Variants in CARNS1 observed in about 807,000 individuals in gnomAD.
The protein encoded by CARNS1 is carnosine synthase 1.
CARNS1 carries 61 observed loss-of-function variants against 74.0 expected under a neutral mutation model. That is an observed-to-expected ratio of 0.82 (90% CI 0.67 to 1.02). The LOEUF is 1.02. Ranked by LOEUF, CARNS1 falls within the 50% of genes least tolerant of loss-of-function variation. The probability of loss-of-function intolerance (pLI) is 0.00; values close to 1 mark genes in which losing one functional copy is unlikely to be tolerated. For missense variants in CARNS1, 1,278 were observed against 1,308.4 expected (o/e 0.98, Z 0.36); for synonymous variants, 568 against 605.5 (o/e 0.94, Z 0.91).
chr11:67,420,996 T>A lies in CARNS1; in HGVS notation c.1403T>A (p.Leu468Gln), dbSNP rs1022594070. 14 of 1,421,680 alleles carry A rather than the reference T, an allele frequency of 9.8e-6. No individual in the cohort carries two copies. In the Admixed American group the frequency reaches 1.4e-4, roughly 14 times the overall value. 88.1% of individuals were successfully genotyped at this position (1,421,680 alleles called of 1,614,324 possible). Residue 468 changes from leucine to glutamine, a missense_variant, in exon 9 of 10, where the codon CTG (leucine) becomes CAG (glutamine). Transcript: ENST00000687366. Reference protein sequence around the residue: ...GGVLTPVALELNGGLCLEACG... With the variant: ...GGVLTPVALEQNGGLCLEACG... ...GTGCTGACCCCAGTGGCCCTGGAGCTGAACGGCGGCCTGTGTCTGGAGGCG... is the reference window on the plus strand; with the variant it reads ...GTGCTGACCCCAGTGGCCCTGGAGCAGAACGGCGGCCTGTGTCTGGAGGCG...
At position 67,423,963 on chromosome 11, in the gene CARNS1, T is replaced by G. The variant is rs377737625; in HGVS notation, c.2215T>G (p.Leu739Val). The G allele has an allele frequency of 3.3e-5, 54 of 1,613,282 alleles. No individual in the cohort carries two copies. Among genetic ancestry groups the G allele is most frequent in the Non-Finnish European group, 4.3e-5 (51 of 1,179,770 alleles). ...EGTEHDVDLV[L>V]FGGRLLAAFV... ...CACCGAGCACGACGTGGACCTGGTG[T>G]TGTTTGGTGGGCGGTTGCTGGCTGC... The change falls in exon 10 of 10, where the codon TTG becomes GTG. Residue 739 changes from leucine to valine, a missense_variant. Coordinates refer to ENST00000687366, the MANE Select transcript of CARNS1 (RefSeq NM_001166222.2). The surrounding 1 kb of genome is among the most constrained non-coding windows in gnomAD (Gnocchi z 5.1).
intron 4 of CARNS1, 28 bp downstream of exon 4, chr11:67,418,548 C>T: frequency 1.3e-6 from 2 of 1,523,346 alleles, no homozygotes; most frequent in Non-Finnish European, 1.8e-6. Flanking sequence ...TTTCCCCATC[C>T]CCTTCTACAG....
In CARNS1 at chr11:67,421,220, G is replaced by A; in HGVS notation, c.1626+1G>A. 5 of 1,487,100 alleles carry A rather than the reference G, an allele frequency of 3.4e-6. No individual in the cohort carries two copies. Among genetic ancestry groups the A allele is most frequent in the Non-Finnish European group, 4.4e-6 (5 of 1,125,460 alleles). 92.1% of individuals were successfully genotyped at this position (1,487,100 alleles called of 1,614,324 possible). ...GGCGGCGCGCGACTACGGGCTCCAGGTGGGCGGGGCGCGGGGCGGGGCTGG... is the reference window on the plus strand; with the variant it reads ...GGCGGCGCGCGACTACGGGCTCCAGATGGGCGGGGCGCGGGGCGGGGCTGG... On this transcript the variant is annotated splice_donor_variant, in intron 9 of 9. Coordinates refer to ENST00000687366, the MANE Select transcript of CARNS1 (RefSeq NM_001166222.2). LOFTEE classifies it high-confidence loss of function.
Position 67,423,665 on chromosome 11 carries a change from C to T in CARNS1, c.1917C>T (p.Gly639=), listed in dbSNP as rs1301310403. The change falls in exon 10 of 10, where the codon GGC becomes GGT. Residue 639 remains glycine (G), a synonymous_variant. Coordinates refer to ENST00000687366, the MANE Select transcript of CARNS1 (RefSeq NM_001166222.2). The surrounding 1 kb of genome is among the most constrained non-coding windows in gnomAD (Gnocchi z 5.1). Reference sequence around the variant, plus strand: ...AGCTGCACCTGTTGCACCACCATGGCCCACCCTGGCCTGCGCCCTCCCTCC... The same window carrying T: ...AGCTGCACCTGTTGCACCACCATGGTCCACCCTGGCCTGCGCCCTCCCTCC... The part of the protein sequence containing the change: ...LTQLHLLHHH[G]PPWPAPSLHA... 1 of 1,602,004 alleles carries T rather than the reference C, an allele frequency of 6.2e-7. No individual in the cohort carries two copies.
intron 2 of CARNS1, chr11:67,416,910 A>C (rs1863558138): frequency 2.2e-5 from 22 of 986,950 alleles, no homozygotes; most frequent in African/African-American, 3.5e-5. Context: ...TGGGGATGAC[A>C]GTGGAATCAC....
intron 9 of CARNS1, among the ~76,000 whole-genome samples, chr11:67,421,701 T>C (rs926659645): frequency 6.6e-6 from 1 of 152,146 alleles, no homozygotes; most frequent in African/African-American, 2.4e-5. Flanking sequence ...TTACAGAATC[T>C]GGAGCGAGCC....
Position 67,418,800 on chromosome 11 carries a change from C to G in CARNS1, c.409C>G (p.Pro137Ala). The G allele has an allele frequency of 6.3e-7, 1 of 1,599,710 alleles. No individual in the cohort carries two copies. Among genetic ancestry groups the G allele is most frequent in the Non-Finnish European group, 8.5e-7 (1 of 1,174,112 alleles). Reference sequence around the variant, plus strand: ...GTCCCCTGCTTGGCTGATGAAGGTGCCAGCACCCGGGCAGCCGGGTGAGGC... The same window carrying G: ...GTCCCCTGCTTGGCTGATGAAGGTGGCAGCACCCGGGCAGCCGGGTGAGGC... Reference protein sequence around the residue: ...CLSPAWLMKVPAPGQPGEAAL... With the variant: ...CLSPAWLMKVAAPGQPGEAAL... Residue 137 changes from proline (P) to alanine (A), a missense_variant, in exon 5 of 10, where the codon CCA becomes GCA. This residue lies in a region of CARNS1 where 1,164 missense variants were observed against 1,156.5 expected (regional missense o/e 1.01). Coordinates refer to ENST00000687366, the MANE Select transcript of CARNS1 (RefSeq NM_001166222.2).
intron 5 of CARNS1, 65 bp from the exon 6 acceptor site, chr11:67,419,422 G>C: frequency 6.4e-7 from 1 of 1,571,640 alleles, no homozygotes; most frequent in Non-Finnish European, 8.6e-7. Flanking sequence ...TCCTGTGGCG[G>C]AAGTGCCCCA....
chr11:67,419,851 C>T lies in CARNS1; in HGVS notation c.1113+13C>T. ...ACTGCTGAGCAAGGTGAGCGTGGCC[C>T]AGGCCCAGGCTGTGACCCTGCCTGC... On this transcript the variant is annotated intron_variant, in intron 7 of 9. Transcript: ENST00000687366. The T allele has an allele frequency of 6.4e-7, 1 of 1,564,318 alleles. No individual in the cohort carries two copies. The highest frequency in any genetic ancestry group is 8.7e-7 in the Non-Finnish European group (1 of 1,155,108).
chr11:67,419,966 T>A (rs1418036811), intron 7 of CARNS1, 128 bp downstream of exon 7: 2 of 918,998 alleles, frequency 2.2e-6, no homozygotes, highest in East Asian at 5.3e-5. Flanking sequence ...GGGGTCGTAG[T>A]TGCCTCTGGG....
At position 67,423,780 on chromosome 11, in the gene CARNS1, T is replaced by C. The variant is rs1267377898; in HGVS notation, c.2032T>C (p.Phe678Leu). 1 of 1,598,122 alleles carries C rather than the reference T, an allele frequency of 6.3e-7. No individual in the cohort carries two copies. The highest frequency in any genetic ancestry group is 8.5e-7 in the Non-Finnish European group (1 of 1,176,448). Reference sequence around the variant, plus strand: ...CCTGCCAGGTGTCATGAAGCTGGAGTTCGGGGCAGGTGCAGTGGGTGTCCG... The same window carrying C: ...CCTGCCAGGTGTCATGAAGCTGGAGCTCGGGGCAGGTGCAGTGGGTGTCCG... ...VPLPGVMKLE[F>L]GAGAVGVRLV... Residue 678 changes from phenylalanine (F) to leucine (L), a missense_variant, in exon 10 of 10, where the codon TTC becomes CTC. Coordinates refer to ENST00000687366, the MANE Select transcript of CARNS1 (RefSeq NM_001166222.2). This position sits in a 1 kb window ranked among gnomAD's most constrained non-coding sequence, Gnocchi z 5.1.
At position 67,418,968 on chromosome 11, in the gene CARNS1, G is replaced by A. The variant is rs775422380; in HGVS notation, c.577G>A (p.Ala193Thr). 15 of 1,568,288 alleles carry A rather than the reference G, an allele frequency of 9.6e-6. No homozygotes were observed. The highest frequency in any genetic ancestry group is 8.1e-5 in the African/African-American group (6 of 73,726). ...CCGGGGCCGAGAGGCAGCAGAACTC[G>A]CCCGTGACCTGACCTGCCCCACAGG... is the stretch of plus-strand genomic sequence containing the variant. The part of the protein sequence containing the change: ...PGRGREAAEL[A>T]RDLTCPTGAS... Residue 193 changes from alanine to threonine, a missense_variant, in exon 5 of 10, where the codon GCC (alanine) becomes ACC (threonine). By Grantham distance (58) the Ala-to-Thr change is moderately conservative (BLOSUM62 0). Coordinates refer to ENST00000687366, the MANE Select transcript of CARNS1 (RefSeq NM_001166222.2).
chr11:67,420,633 G>C lies in CARNS1; in HGVS notation c.1138G>C (p.Asp380His). ...SKVVCGVGRG[D>H]RPLRHHNSLP... ...GGTGGTGTGCGGCGTGGGCCGCGGG[G>C]ACCGCCCTCTACGGCACCACAACTC... The change falls in exon 8 of 10, where the codon GAC becomes CAC. Residue 380 changes from aspartate to histidine, a missense_variant. Physicochemically the swap from Asp to His is moderately conservative, Grantham distance 81. This residue lies in a region of CARNS1 where 1,164 missense variants were observed against 1,156.5 expected (regional missense o/e 1.01). Transcript: ENST00000687366. 8.1e-7 allele frequency: 1 copy of C among 1,241,424 alleles called. No homozygotes were observed. Among genetic ancestry groups the C allele is most frequent in the Middle Eastern group, 3.1e-4 (1 of 3,262 alleles). 76.9% of individuals were successfully genotyped at this position (1,241,424 alleles called of 1,614,324 possible).
At chr11:67,416,805 A>G in intron 2 of CARNS1, 1 of 986,416 alleles carries the variant, frequency 1.0e-6, no homozygotes, top group Non-Finnish European at 1.2e-6. Context: ...CAAAGAAAGC[A>G]TTTCCGTGAC....
rs1442040487 is a variant in CARNS1 at position 67,424,393 on chromosome 11, T to C, written c.2645T>C (p.Leu882Pro). Reference protein sequence around the residue: ...ALSSTASRETLQALHDRGLLR... With the variant: ...ALSSTASRETPQALHDRGLLR... ...AGTTCCACCGCCAGCCGTGAGACCC[T>C]GCAGGCCCTGCACGACCGTGGACTG... The change falls in exon 10 of 10, where the codon CTG (leucine) becomes CCG (proline). Residue 882 changes from leucine to proline, a missense_variant. Around this residue, in one of 3 missense-constraint regions of CARNS1, gnomAD observed 1,164 missense variants for 1,156.5 expected, o/e 1.01. Transcript: ENST00000687366. 1 of 1,592,252 alleles carries C rather than the reference T, an allele frequency of 6.3e-7. No individual in the cohort carries two copies. Among genetic ancestry groups the C allele is most frequent in the East Asian group, 2.3e-5 (1 of 43,762 alleles).
In CARNS1 at chr11:67,419,021, G is replaced by A. The variant is rs769565049; in HGVS notation, c.630G>A (p.Leu210=). The A allele has an allele frequency of 6.4e-7, 1 of 1,558,220 alleles. No individual in the cohort carries two copies. The highest frequency in any genetic ancestry group is 1.4e-5 in the African/African-American group (1 of 73,558). Residue 210 remains leucine (L), a synonymous_variant, in exon 5 of 10, where the codon CTG becomes CTA. Coordinates refer to ENST00000687366, the MANE Select transcript of CARNS1 (RefSeq NM_001166222.2). ...CTTCGGCTGAGCTGGCCCGGCTGCT[G>A]GAGGACCGGCTGCTGACAAGGCAGT... The part of the protein sequence containing the change: ...TGASAELARL[L]EDRLLTRQLL...
intron 1 of CARNS1, 55 bp from the exon 2 acceptor site, chr11:67,416,121 G>C: frequency 9.1e-7 from 1 of 1,098,268 alleles, no homozygotes; most frequent in South Asian, 1.3e-5. Flanking sequence ...AGGCCAGGCA[G>C]GGACTTGGCT....
At position 67,419,837 on chromosome 11, in the gene CARNS1, A is replaced by AG. The variant is rs1863649613; in HGVS notation, c.1113+1dup. ...CAGGGTGATAGGCCACTGCTGAGCA[A>AG]GGTGAGCGTGGCCCAGGCCCAGGCT... is the stretch of plus-strand genomic sequence containing the variant. On this transcript the variant is annotated frameshift_variant and splice_region_variant, in exon 7 of 10. Transcript: ENST00000687366. LOFTEE classifies it high-confidence loss of function. 1 of 1,577,948 alleles carries AG rather than the reference A, an allele frequency of 6.3e-7. No individual in the cohort carries two copies. The highest frequency in any genetic ancestry group is 8.6e-7 in the Non-Finnish European group (1 of 1,162,738).
Position 67,424,427 on chromosome 11 carries a change from C to T in CARNS1, c.2679C>T (p.Leu893=), listed in dbSNP as rs1300346755. 6.3e-7 allele frequency: 1 copy of T among 1,588,726 alleles called. No homozygotes were observed. ...TGCACGACCGTGGACTGCTACGCCT[C>T]AATCTGCTGGAGGAGGCCCTGGTGC... is the stretch of plus-strand genomic sequence containing the variant. ...QALHDRGLLR[L]NLLEEALVPG... is the part of the protein sequence containing the mutation. Residue 893 remains leucine, a synonymous_variant, in exon 10 of 10, where the codon CTC becomes CTT. Coordinates refer to ENST00000687366, the MANE Select transcript of CARNS1 (RefSeq NM_001166222.2).
Sources: gnomAD v4.1 joint callset for allele counts (sites outside exome capture counted in the v4.1 genomes callset) on GRCh38, gnomAD v4.1.1 for gene constraint, gnomAD v4.1.1 regional missense constraint, Gnocchi (gnomAD v3.1) non-coding constraint, MANE v1.5 for transcripts, NCBI Gene and HGNC (gene_info 2026-07-23, HGNC 2026-07-21) for gene names.